CDC42BPA: variants seen among roughly 807,000 people sequenced by gnomAD.
CDC42BPA encodes the protein serine/threonine-protein kinase MRCK alpha.
Under a neutral mutation model 223.5 loss-of-function variants are expected in CDC42BPA, and 80 were observed. The observed-to-expected ratio is 0.36, with a 90% CI of 0.30 to 0.43. CDC42BPA has a LOEUF of 0.43. CDC42BPA is among the 20% of genes least tolerant of loss of function. The probability of loss-of-function intolerance (pLI) is 1.00; values close to 1 mark genes in which losing one functional copy is unlikely to be tolerated. For synonymous variants in CDC42BPA, 694 were observed against 718.6 expected (o/e 0.97, Z 0.55); for missense variants, 1,743 against 2,099.9 (o/e 0.83, Z 3.32).
At position 227,119,863 on chromosome 1, in the gene CDC42BPA, T is replaced by C; in HGVS notation, c.1588A>G (p.Ile530Val). 1 of 1,603,766 alleles carries C rather than the reference T, an allele frequency of 6.2e-7. No homozygotes were observed. ...RQELDDAFRQ[I>V]KAYEKQIKTL... ...TTGATTTGTTTTTCATAAGCCTTGA[T>C]TTGTCTAAAAGCATCATCTAGTTCT... Residue 530 changes from isoleucine to valine, a missense_variant, in exon 12 of 37, where the codon ATC (isoleucine) becomes GTC (valine). By Grantham distance (29) the Ile-to-Val change is conservative. Coordinates refer to ENST00000366766, the MANE Select transcript of CDC42BPA (RefSeq NM_001394014.1).
intron 10 of CDC42BPA, among the ~76,000 whole-genome samples, chr1:227,133,773 G>C (rs200244307): frequency 1.3e-4 from 20 of 151,912 alleles, no homozygotes; most frequent in South Asian, 6.2e-4. Flanking sequence ...CAGCATGCTC[G>C]TTGAGAGTCA....
At chr1:227,087,455 T>G (rs544767326) in intron 16 of CDC42BPA, among the ~76,000 whole-genome samples, 4 of 152,356 alleles carry the variant, frequency 2.6e-5, no homozygotes, top group African/African-American at 9.6e-5. Flanking sequence ...GTATTAAAAT[T>G]ACATAGTGTT....
chr1:227,018,229 T>TG (rs1055104487), intron 32 of CDC42BPA, among the ~76,000 whole-genome samples: 4 of 151,922 alleles, frequency 2.6e-5, no homozygotes, highest in African/African-American at 9.7e-5. Flanking sequence ...ACAGAATTTT[T>TG]GAAGTGAATG....
chr1:227,088,441 G>A (rs1433083568), intron 16 of CDC42BPA, among the ~76,000 whole-genome samples: 6 of 152,164 alleles, frequency 3.9e-5, no homozygotes, highest in African/African-American at 1.2e-4. Context: ...AGATTAGTAA[G>A]TGGATTGTAT....
intron 6 of CDC42BPA, among the ~76,000 whole-genome samples, chr1:227,147,926 G>A (rs1412139033): frequency 6.6e-6 from 1 of 151,264 alleles, no homozygotes; most frequent in Non-Finnish European, 1.5e-5. Flanking sequence ...CGTCAAAATT[G>A]TACAATGAGA....
intron 35 of CDC42BPA, among the ~76,000 whole-genome samples, chr1:227,000,999 C>G (rs1163352311): frequency 1.3e-5 from 2 of 152,172 alleles, no homozygotes; most frequent in Non-Finnish European, 1.5e-5. Flanking sequence ...CTCTGCATGA[C>G]TTCCAGGAGG....
At chr1:227,174,184 G>A (rs1475090181) in intron 5 of CDC42BPA, among the ~76,000 whole-genome samples, 9 of 152,014 alleles carry the variant, frequency 5.9e-5, no homozygotes, top group Admixed American at 2.0e-4. Context: ...ACTGTAAGTC[G>A]AGGAGCATCC....
intron 5 of CDC42BPA, among the ~76,000 whole-genome samples, chr1:227,182,416 C>T (rs541954143): frequency 1.3e-5 from 2 of 152,142 alleles, no homozygotes; most frequent in South Asian, 2.1e-4. Flanking sequence ...ATTTCTTGGG[C>T]TTGGTTTCCA....
intron 17 of CDC42BPA, among the ~76,000 whole-genome samples, chr1:227,079,701 T>A (rs11810440): frequency 0.06 from 9,099 of 152,116 alleles, 282 homozygotes; most frequent in Non-Finnish European, 0.072. Flanking sequence ...AGAAACATTA[T>A]AAGCATTAAG....
chr1:227,172,766 TA>T (rs1013400030), intron 5 of CDC42BPA, among the ~76,000 whole-genome samples: 5 of 151,286 alleles, frequency 3.3e-5, no homozygotes, highest in African/African-American at 9.7e-5. Flanking sequence ...TTTTCTAAGC[TA>T]AAAAAAAATC....
chr1:227,292,267 C>T (rs1689830811), intron 1 of CDC42BPA, among the ~76,000 whole-genome samples: 1 of 151,906 alleles, frequency 6.6e-6, no homozygotes, highest in Non-Finnish European at 1.5e-5. Flanking sequence ...AGGCGTGAGC[C>T]ACCAAGCCCA....
intron 21 of CDC42BPA, chr1:227,059,550 T>A: frequency 1.3e-6 from 1 of 749,862 alleles, no homozygotes; most frequent in Non-Finnish European, 2.2e-6. Flanking sequence ...AATGTACATG[T>A]ATTTTTAGGA....
At chr1:227,083,764 A>G (rs1681217605) in intron 16 of CDC42BPA, among the ~76,000 whole-genome samples, 1 of 152,188 alleles carries the variant, frequency 6.6e-6, no homozygotes, top group African/African-American at 2.4e-5. Flanking sequence ...ATACTTGGAG[A>G]CTGGGTTTCA....
intron 22 of CDC42BPA, among the ~76,000 whole-genome samples, chr1:227,048,930 A>G (rs1282800624): frequency 2.0e-5 from 3 of 151,916 alleles, no homozygotes; most frequent in Non-Finnish European, 2.9e-5. Context: ...GTTACTATAC[A>G]ACAATCTATC....
chr1:227,117,844 A>C (rs1688013712), intron 12 of CDC42BPA, among the ~76,000 whole-genome samples: 1 of 152,182 alleles, frequency 6.6e-6, no homozygotes, highest in East Asian at 1.9e-4. Context: ...GCAAAAAGAT[A>C]AGCCACTGAG....
At chr1:227,309,527 A>AGTG (rs1693155825) in intron 1 of CDC42BPA, among the ~76,000 whole-genome samples, 1 of 152,226 alleles carries the variant, frequency 6.6e-6, no homozygotes, top group Non-Finnish European at 1.5e-5. Context: ...TCTGAAACCA[A>AGTG]TGGCCTAGCC....
chr1:227,219,410 TA>T (rs1675442282), intron 2 of CDC42BPA: 1 of 152,142 alleles, frequency 6.6e-6, no homozygotes, highest in African/African-American at 2.4e-5. Context: ...GGGCGTAAGT[TA>T]AAGGTTTTCC....
chr1:227,051,899 A>C lies in CDC42BPA; in HGVS notation c.2991T>G (p.Ser997Arg). 7.3e-7 allele frequency: 1 copy of C among 1,366,146 alleles called. No individual in the cohort carries two copies. Among genetic ancestry groups the C allele is most frequent in the Non-Finnish European group, 9.8e-7 (1 of 1,021,478 alleles). 84.6% of individuals were successfully genotyped at this position (1,366,146 alleles called of 1,614,324 possible). ...QSRSTSPSTS[S>R]EAEPVKTVDS... ...AAGGCACCTTAACTGGCTCAGCTTC[A>C]CTAGATGTGGAAGGAGATGTGGACC... is the stretch of plus-strand genomic sequence containing the variant. Residue 997 changes from serine (S) to arginine (R), a missense_variant, in exon 22 of 37, where the codon AGT becomes AGG. Coordinates refer to ENST00000366766, the MANE Select transcript of CDC42BPA (RefSeq NM_001394014.1).
At chr1:227,254,441 G>A (rs1480966558) in intron 1 of CDC42BPA, among the ~76,000 whole-genome samples, 1 of 152,066 alleles carries the variant, frequency 6.6e-6, no homozygotes, top group African/African-American at 2.4e-5. Flanking sequence ...GTAAAAATGA[G>A]ACCAGTTTTA....
Sources: gnomAD v4.1 joint callset for allele counts (sites outside exome capture counted in the v4.1 genomes callset) on GRCh38, gnomAD v4.1.1 for gene constraint, MANE v1.5 for transcripts, NCBI Gene and HGNC (gene_info 2026-07-23, HGNC 2026-07-21) for gene names.